Variants in TNKS observed in about 807,000 individuals in gnomAD.
TNKS encodes tankyrase, also known as poly [ADP-ribose] polymerase tankyrase-1.
A neutral mutation model predicts 135.8 loss-of-function variants in TNKS; 72 were observed. That is an observed-to-expected ratio of 0.53 (90% CI 0.44 to 0.64). The LOEUF is 0.64. Ranked by LOEUF, TNKS falls within the 30% of genes least tolerant of loss-of-function variation. TNKS has a pLI of 0.00. For synonymous variants in TNKS, 849 were observed against 649.3 expected (o/e 1.31, Z -4.68); for missense variants, 1,769 against 1,674.0 (o/e 1.06, Z -0.99).
intron 3 of TNKS, among the ~76,000 whole-genome samples, chr8:9,626,983 A>G (rs1001076162): frequency 1.3e-5 from 2 of 152,170 alleles, no homozygotes; most frequent in African/African-American, 4.8e-5. Flanking sequence ...GAGGCTGGTC[A>G]TTGGATAGAC....
chr8:9,576,505 C>G (rs991880712), intron 1 of TNKS, among the ~76,000 whole-genome samples: 3 of 143,960 alleles, frequency 2.1e-5, no homozygotes, highest in Non-Finnish European at 3.0e-5. Context: ...GAGTCTGGCT[C>G]TGTTGCCCAG....
intron 5 of TNKS, among the ~76,000 whole-genome samples, chr8:9,693,866 C>G (rs891281625): frequency 8.5e-5 from 13 of 152,176 alleles, no homozygotes; most frequent in African/African-American, 3.1e-4. Context: ...AACAAAGAAA[C>G]TGATTTACAT....
rs910777751 is a variant in TNKS at position 9,777,004 on chromosome 8, C to G, written c.*268C>G. On this transcript the variant is annotated 3_prime_UTR_variant, in exon 27 of 27. Transcript: ENST00000310430. ...TCATTGCAATTATCCATTTCTAAAA[C>G]AAGATTGCTTCGATCTAGACTTGGA... 33 of 424,792 alleles carry G rather than the reference C, an allele frequency of 7.8e-5. 1 individual carries two copies. In the South Asian group the frequency reaches 8.4e-4, roughly 11 times the overall value. 26.3% of individuals were successfully genotyped at this position (424,792 alleles called of 1,614,324 possible). A position where few individuals can be genotyped will look rare whatever the true frequency, so the allele number is the denominator to read the frequency against.
chr8:9,661,071 A>G (rs1320143901), intron 3 of TNKS, among the ~76,000 whole-genome samples: 3 of 151,900 alleles, frequency 2.0e-5, no homozygotes, highest in Admixed American at 6.6e-5. Flanking sequence ...CCTCTGCTCA[A>G]TGAAATAAAA....
intron 5 of TNKS, among the ~76,000 whole-genome samples, chr8:9,703,145 C>G (rs1361589504): frequency 2.6e-5 from 4 of 152,142 alleles, no homozygotes. Flanking sequence ...CGGATAGTAC[C>G]AAACCCTATA....
At chr8:9,611,369 A>G (rs976518089) in intron 2 of TNKS, among the ~76,000 whole-genome samples, 3 of 152,056 alleles carry the variant, frequency 2.0e-5, no homozygotes, top group Admixed American at 6.6e-5. Flanking sequence ...TACTTTGTAC[A>G]TTGTTGGTGT....
At chr8:9,648,063 C>A (rs1333885238) in intron 3 of TNKS, among the ~76,000 whole-genome samples, 1 of 152,102 alleles carries the variant, frequency 6.6e-6, no homozygotes, top group Non-Finnish European at 1.5e-5. Context: ...TTCTGTAGGG[C>A]ACTTACCATA....
Position 9,653,227 on chromosome 8 carries a change from G to T in TNKS, c.995-26724G>T, listed in dbSNP as rs374035256. The stretch of plus-strand genomic sequence containing the variant: ...CAAATTACTGTTGTTTATGCTGACA[G>T]TGTTTGTTGCTTAATGAACTAACCA... On this transcript the variant is annotated intron_variant, in intron 3 of 26. Transcript: ENST00000310430. Among the ~76,000 whole-genome samples the T allele has an allele frequency of 7.2e-5, 11 of 152,262 alleles. No homozygotes were observed. In the East Asian group the frequency reaches 1.7e-3, roughly 24 times the overall value.
intron 2 of TNKS, among the ~76,000 whole-genome samples, chr8:9,602,593 G>C (rs1329600438): frequency 1.3e-5 from 2 of 152,240 alleles, no homozygotes; most frequent in Non-Finnish European, 2.9e-5. Context: ...GGTGGAGCCA[G>C]TAGCCTACAC....
At chr8:9,647,330 G>T (rs1022646177) in intron 3 of TNKS, among the ~76,000 whole-genome samples, 1 of 152,108 alleles carries the variant, frequency 6.6e-6, no homozygotes, top group African/African-American at 2.4e-5. Flanking sequence ...GTTGGATTTT[G>T]CCCCTTTTTG....
In TNKS at chr8:9,656,173, C is replaced by T. The variant is rs201604115; in HGVS notation, c.995-23778C>T. On this transcript the variant is annotated intron_variant, in intron 3 of 26. Coordinates refer to ENST00000310430, the MANE Select transcript of TNKS (RefSeq NM_003747.3). Reference sequence around the variant, plus strand: ...GGAAGCCAAAGTGAATGAAATGAAGCGAGAAGAGAAGTTTAGAGAAAAAAG... The same window carrying T: ...GGAAGCCAAAGTGAATGAAATGAAGTGAGAAGAGAAGTTTAGAGAAAAAAG... 7.9e-5 allele frequency among the ~76,000 whole-genome samples: 12 copies of T among 151,892 alleles called. No individual in the cohort carries two copies. In the East Asian group the frequency reaches 1.2e-3, roughly 15 times the overall value.
chr8:9,747,550 TTGAGA>T (rs1806303455), intron 17 of TNKS, among the ~76,000 whole-genome samples: 1 of 152,188 alleles, frequency 6.6e-6, no homozygotes, highest in Non-Finnish European at 1.5e-5. Flanking sequence ...TTGAGAATCT[TTGAGA>T]TGAGTATTTC....
At chr8:9,762,352 A>T (rs890589738) in intron 21 of TNKS, among the ~76,000 whole-genome samples, 1 of 152,216 alleles carries the variant, frequency 6.6e-6, no homozygotes, top group African/African-American at 2.4e-5. Context: ...AGTCTTGCTT[A>T]TTTATCTGTA....
At chr8:9,765,979 T>C (rs1013188892) in intron 24 of TNKS, among the ~76,000 whole-genome samples, 182 bp downstream of exon 24, 43 of 152,338 alleles carry the variant, frequency 2.8e-4, no homozygotes, top group Non-Finnish European at 2.4e-4. Flanking sequence ...CAGTACAGAC[T>C]TTCCAGTGCA....
chr8:9,580,784 TC>T (rs1243109542), intron 2 of TNKS, among the ~76,000 whole-genome samples: 3 of 152,066 alleles, frequency 2.0e-5, no homozygotes, highest in African/African-American at 7.2e-5. Context: ...AGTATAGTAG[TC>T]CCCCCGCTTA....
At chr8:9,620,700 C>G (rs867712771) in intron 3 of TNKS, among the ~76,000 whole-genome samples, 6 of 152,292 alleles carry the variant, frequency 3.9e-5, no homozygotes, top group African/African-American at 1.4e-4. Context: ...CTAACATAAG[C>G]TATTTACTGA....
intron 2 of TNKS, among the ~76,000 whole-genome samples, chr8:9,612,413 T>C (rs1799495321): frequency 6.6e-6 from 1 of 152,190 alleles, no homozygotes. Flanking sequence ...TGGAACTTTG[T>C]ATAATATGCT....
chr8:9,708,338 C>A, intron 8 of TNKS, 33 bp from the exon 9 acceptor site: 1 of 1,486,308 alleles, frequency 6.7e-7, no homozygotes, highest in South Asian at 1.4e-5. Context: ...ATTTTTACAT[C>A]TTTTTTTATG....
intron 3 of TNKS, among the ~76,000 whole-genome samples, chr8:9,627,637 G>T (rs1445197344): frequency 6.6e-6 from 1 of 152,100 alleles, no homozygotes; most frequent in East Asian, 1.9e-4. Flanking sequence ...GAAATCTTCT[G>T]TGTTGATTGT....
Sources: allele counts gnomAD v4.1 joint callset (sites outside exome capture counted in the v4.1 genomes callset), GRCh38; gene constraint gnomAD v4.1.1; transcripts MANE v1.5; gene names NCBI Gene and HGNC (gene_info 2026-07-23, HGNC 2026-07-21).